Variants in GMDS observed in about 807,000 individuals in gnomAD.
GMDS encodes GDP-mannose 4,6-dehydratase, also known as GDP-mannose 4,6 dehydratase.
A neutral mutation model predicts 49.9 loss-of-function variants in GMDS; 20 were observed. The ratio of observed to expected loss-of-function variants is 0.40; its 90% CI spans 0.28 to 0.58. GMDS has a LOEUF of 0.58. Among genes scored for constraint, GMDS ranks in the 20% least tolerant of loss-of-function variants. The probability of loss-of-function intolerance (pLI) is 0.42; values close to 1 mark genes in which losing one functional copy is unlikely to be tolerated. For synonymous variants in GMDS, 177 were observed against 178.6 expected (o/e 0.99, Z 0.07); for missense variants, 362 against 481.4 (o/e 0.75, Z 2.32).
intron 4 of GMDS, among the ~76,000 whole-genome samples, chr6:2,010,996 A>G (rs1470191437): frequency 6.6e-6 from 1 of 152,184 alleles, no homozygotes; most frequent in Admixed American, 6.5e-5. Context: ...AAACAGGTAT[A>G]AACAAATAAG....
intron 4 of GMDS, among the ~76,000 whole-genome samples, chr6:2,045,840 TA>T (rs1483292823): frequency 6.6e-6 from 1 of 152,144 alleles, no homozygotes; most frequent in Non-Finnish European, 1.5e-5. Context: ...AAGTAATAAC[TA>T]TAACACCACT....
intron 1 of GMDS, among the ~76,000 whole-genome samples, chr6:2,148,748 A>G (rs1403275078): frequency 1.3e-5 from 2 of 152,202 alleles, no homozygotes; most frequent in Non-Finnish European, 2.9e-5. Context: ...AAGGTTCTCA[A>G]AGACCTATTA....
At chr6:2,124,613 A>G in intron 2 of GMDS, 74 bp downstream of exon 2, 1 of 1,046,916 alleles carries the variant, frequency 9.6e-7, no homozygotes, top group Non-Finnish European at 1.5e-6. Flanking sequence ...GGAGGACGGC[A>G]GCAGAGGAAG....
chr6:1,909,409 G>A (rs1026966569), intron 7 of GMDS, among the ~76,000 whole-genome samples: 18 of 152,218 alleles, frequency 1.2e-4, no homozygotes, highest in African/African-American at 4.3e-4. Context: ...TATAGACTAT[G>A]TTCTTTGGTT....
At chr6:1,754,138 C>T (rs1047211706) in intron 7 of GMDS, among the ~76,000 whole-genome samples, 1 of 151,854 alleles carries the variant, frequency 6.6e-6, no homozygotes, top group African/African-American at 2.4e-5. Flanking sequence ...AGACTGTTAT[C>T]CAGAATAATA....
intron 7 of GMDS, among the ~76,000 whole-genome samples, chr6:1,918,682 A>G (rs1761545260): frequency 6.6e-6 from 1 of 152,156 alleles, no homozygotes; most frequent in African/African-American, 2.4e-5. Context: ...CTGGGAGATC[A>G]AGGCTGCAGT....
chr6:1,735,870 T>TAAA (rs1442047344), intron 8 of GMDS, among the ~76,000 whole-genome samples: 2 of 152,238 alleles, frequency 1.3e-5, no homozygotes, highest in Admixed American at 1.3e-4. Flanking sequence ...GACACCCAAT[T>TAAA]AGAGTCTATA....
chr6:2,239,922 G>A (rs892380329), intron 1 of GMDS, among the ~76,000 whole-genome samples: 19 of 152,098 alleles, frequency 1.2e-4, no homozygotes, highest in Admixed American at 6.5e-4. Flanking sequence ...TCCTGACCTC[G>A]TGATCCAGAG....
chr6:2,026,916 T>C (rs1199922343), intron 4 of GMDS, among the ~76,000 whole-genome samples: 2 of 152,140 alleles, frequency 1.3e-5, no homozygotes, highest in Non-Finnish European at 2.9e-5. Flanking sequence ...TACCAAGAAA[T>C]AGGAAATGAG....
intron 7 of GMDS, among the ~76,000 whole-genome samples, chr6:1,858,055 C>A (rs112966873): frequency 6.6e-6 from 1 of 151,994 alleles, no homozygotes; most frequent in Non-Finnish European, 1.5e-5. Flanking sequence ...ATTATACTTA[C>A]GAAGATCTAT....
chr6:1,624,354 C>T (rs1251217143), intron 10 of GMDS, 118 bp downstream of exon 10: 1 of 1,280,888 alleles, frequency 7.8e-7, no homozygotes, highest in Non-Finnish European at 1.1e-6. Flanking sequence ...TCACTTCTCC[C>T]GCACCCCGCC....
chr6:2,098,602 G>A (rs1441666233), intron 4 of GMDS, among the ~76,000 whole-genome samples: 1 of 152,090 alleles, frequency 6.6e-6, no homozygotes, highest in Non-Finnish European at 1.5e-5. Context: ...ACCCTGCACT[G>A]AACTGAAAAT....
At chr6:2,041,829 C>A (rs1484374543) in intron 4 of GMDS, among the ~76,000 whole-genome samples, 2 of 152,176 alleles carry the variant, frequency 1.3e-5, no homozygotes, top group African/African-American at 4.8e-5. Flanking sequence ...AAGTCTATTA[C>A]AAATAGCAGC....
intron 7 of GMDS, among the ~76,000 whole-genome samples, chr6:1,800,265 C>A (rs1769896690): frequency 1.3e-5 from 2 of 152,164 alleles, no homozygotes; most frequent in Non-Finnish European, 1.5e-5. Context: ...TGGTTGTGAA[C>A]CCTAGCAACT....
chr6:2,124,415 G>A (rs1392126331), intron 2 of GMDS, among the ~76,000 whole-genome samples: 1 of 152,194 alleles, frequency 6.6e-6, no homozygotes. Flanking sequence ...AGCTTCGCTT[G>A]CACAGGCTGC....
intron 7 of GMDS, among the ~76,000 whole-genome samples, chr6:1,795,162 T>C (rs1422603983): frequency 6.6e-6 from 1 of 152,204 alleles, no homozygotes; most frequent in Non-Finnish European, 1.5e-5. Context: ...ACAGCACTAC[T>C]GCACTCTTGC....
At chr6:2,057,939 C>A (rs1271127602) in intron 4 of GMDS, among the ~76,000 whole-genome samples, 1 of 152,162 alleles carries the variant, frequency 6.6e-6, no homozygotes, top group Admixed American at 6.5e-5. Context: ...GTGCACATGA[C>A]AACCACCTTG....
chr6:2,193,189 T>C (rs1224192462), intron 1 of GMDS, among the ~76,000 whole-genome samples: 1 of 152,332 alleles, frequency 6.6e-6, no homozygotes, highest in Admixed American at 6.5e-5. Flanking sequence ...CACAACTTCC[T>C]CAAGTCCTGC....
At chr6:2,144,744 A>G (rs1182141743) in intron 1 of GMDS, among the ~76,000 whole-genome samples, 1 of 152,194 alleles carries the variant, frequency 6.6e-6, no homozygotes, top group Non-Finnish European at 1.5e-5. Context: ...TATATAGAAA[A>G]TAAAAACCGT....
Sources: gnomAD v4.1 joint callset for allele counts (sites outside exome capture counted in the v4.1 genomes callset) on GRCh38, gnomAD v4.1.1 for gene constraint, MANE v1.5 for transcripts, NCBI Gene and HGNC (gene_info 2026-07-23, HGNC 2026-07-21) for gene names.